Variants in C19orf67 observed in about 807,000 individuals in gnomAD.
C19orf67 encodes chromosome 19 open reading frame 67, also known as UPF0575 protein C19orf67.
A neutral mutation model predicts 41.4 loss-of-function variants in C19orf67; 28 were observed. The observed-to-expected ratio is 0.68, with a 90% CI of 0.50 to 0.93. The LOEUF (loss-of-function observed/expected upper bound fraction) is 0.93, where lower values mean the gene tolerates loss of function less well. Among genes scored for constraint, C19orf67 ranks in the 40% least tolerant of loss-of-function variants. The pLI, the probability that C19orf67 is intolerant of heterozygous loss-of-function variation, is 0.00. For missense variants in C19orf67, 421 were observed against 467.0 expected, an observed-to-expected ratio of 0.90 and a Z score of 0.91; for synonymous variants, 242 against 203.4, an observed-to-expected ratio of 1.19 and a Z score of -1.62.
chr19:14,085,679 A>G lies in C19orf67; in HGVS notation c.-52T>C, dbSNP rs1599323225. On this transcript the variant is annotated 5_prime_UTR_variant, in exon 1 of 6. Transcript: ENST00000548523. ...GCTCTTTAAGCTTCCGCTGCTGCTC[A>G]GGTTGGCCGCGGGTTCGACCCCGCC... The G allele has an allele frequency of 2.9e-6, 4 of 1,392,246 alleles. No individual in the cohort carries two copies. The East Asian group carries it at 7.5e-5, about 26-fold the overall frequency. The allele number at this position is 1,392,246 out of a possible 1,614,324, so 86.2% of individuals were successfully genotyped here.
chr19:14,082,736 AGG>A, intron 4 of C19orf67, 133 bp from the exon 5 acceptor site: 1 of 728,200 alleles, frequency 1.4e-6, no homozygotes, highest in Non-Finnish European at 2.1e-6. Flanking sequence ...TGTGACTCCA[AGG>A]CCTTTTCTCC....
chr19:14,084,524 CA>C (rs1161730628), intron 1 of C19orf67, among the ~76,000 whole-genome samples: 1 of 151,202 alleles, frequency 6.6e-6, no homozygotes, highest in African/African-American at 2.4e-5. Flanking sequence ...CACATAACAA[CA>C]AAACAAAACA....
chr19:14,082,019 G>A lies in C19orf67; in HGVS notation c.903-11C>T. The A allele has an allele frequency of 2.0e-6, 3 of 1,491,572 alleles. No homozygotes were observed. Among genetic ancestry groups the A allele is most frequent in the Non-Finnish European group, 2.7e-6 (3 of 1,121,894 alleles). 92.4% of individuals were successfully genotyped at this position (1,491,572 alleles called of 1,614,324 possible). ...TGCGGGCACAAAATCCTGGGGTGGGGGGGCCAGGGATAGACAGGCCTGGAC... is the reference window on the plus strand; with the variant it reads ...TGCGGGCACAAAATCCTGGGGTGGGAGGGCCAGGGATAGACAGGCCTGGAC... On this transcript the variant is annotated splice_polypyrimidine_tract_variant and intron_variant, in intron 5 of 5. Transcript: ENST00000548523.
chr19:14,085,345 G>A lies in C19orf67; in HGVS notation c.283C>T (p.Leu95=), dbSNP rs1313048297. The part of the protein sequence containing the change: ...DTLFSPITQQ[L]RYLLKKADDF... ...TCTGCCTTCTTCAGTAGGTAGCGCA[G>A]CTGTTGGGTGATGGGGCTGAACAAA... The change falls in exon 1 of 6, where the codon CTG becomes TTG. Residue 95 remains leucine, a synonymous_variant. Transcript: ENST00000548523. 1 of 1,536,248 alleles carries A rather than the reference G, an allele frequency of 6.5e-7. No individual in the cohort carries two copies. The highest frequency in any genetic ancestry group is 8.7e-7 in the Non-Finnish European group (1 of 1,146,932).
At chr19:14,085,188 C>A in intron 1 of C19orf67, 105 bp downstream of exon 1, 1 of 818,656 alleles carries the variant, frequency 1.2e-6, no homozygotes. Context: ...CTCCCTCTGG[C>A]TCCTAGCGCT....
At chr19:14,083,481 C>T in intron 3 of C19orf67, 24 bp downstream of exon 3, 1 of 1,533,906 alleles carries the variant, frequency 6.5e-7, no homozygotes. Flanking sequence ...TTCATCCCCC[C>T]ATCTGAGTCT....
rs1473784415 is a variant in C19orf67, at chr19:14,083,232, C to T, written c.767+5G>A. On this transcript the variant is annotated splice_donor_5th_base_variant and intron_variant, in intron 4 of 5. Coordinates refer to ENST00000548523, the MANE Select transcript of C19orf67 (RefSeq NM_001277378.2). ...GAGGACTTTGATTTGGGTAAGAGGACTTACTAATCCACAAGGGAATCTTGT... is the reference window on the plus strand; with the variant it reads ...GAGGACTTTGATTTGGGTAAGAGGATTTACTAATCCACAAGGGAATCTTGT... 6.5e-7 allele frequency: 1 copy of T among 1,535,784 alleles called. No individual in the cohort carries two copies. The highest frequency in any genetic ancestry group is 8.7e-7 in the Non-Finnish European group (1 of 1,146,686).
Position 14,083,590 on chromosome 19 carries a change from G to T in C19orf67, c.496C>A (p.Gln166Lys). The T allele has an allele frequency of 6.5e-7, 1 of 1,535,918 alleles. No individual in the cohort carries two copies. Among genetic ancestry groups the T allele is most frequent in the South Asian group, 1.2e-5 (1 of 84,036 alleles). The change falls in exon 3 of 6, where the codon CAA becomes AAA. Residue 166 changes from glutamine to lysine, a missense_variant. This residue lies in a region of C19orf67 where 253 missense variants were observed against 307.0 expected (regional missense o/e 0.82). Transcript: ENST00000548523. Reference protein sequence around the residue: ...LVRKGLLEISQQLTLRLEQLV... With the variant: ...LVRKGLLEISKQLTLRLEQLV... ...TGTTCCAGGCGCAGGGTCAGCTGTT[G>T]GGAGATCTCTAACAGCTGCATACAA... is the stretch of plus-strand genomic sequence containing the variant.
At position 14,081,796 on chromosome 19, in the gene C19orf67, G is replaced by C; in HGVS notation, c.*38C>G. 6.9e-7 allele frequency: 1 copy of C among 1,451,644 alleles called. No individual in the cohort carries two copies. The highest frequency in any genetic ancestry group is 9.1e-7 in the Non-Finnish European group (1 of 1,100,050). 89.9% of individuals were successfully genotyped at this position (1,451,644 alleles called of 1,614,324 possible). A position where few individuals can be genotyped will look rare whatever the true frequency, so the allele number is the denominator to read the frequency against. On this transcript the variant is annotated 3_prime_UTR_variant, in exon 6 of 6. Transcript: ENST00000548523. The stretch of plus-strand genomic sequence containing the variant: ...CCCCTGCCCCCTATTCTGGAGTTTG[G>C]AACTGTCAAGTTCCAGCTCCTACCC...
At position 14,083,540 on chromosome 19, in the gene C19orf67, A is replaced by T; in HGVS notation, c.546T>A (p.Phe182Leu). The change falls in exon 3 of 6, where the codon TTT becomes TTA. Residue 182 changes from phenylalanine (F) to leucine (L), a missense_variant. Around this residue, in one of 3 missense-constraint regions of C19orf67, gnomAD observed 253 missense variants for 307.0 expected, o/e 0.82. Coordinates refer to ENST00000548523, the MANE Select transcript of C19orf67 (RefSeq NM_001277378.2). ...LEQLVLMYASFGFVDLEEMNP... is the reference protein window; with the variant it reads ...LEQLVLMYASLGFVDLEEMNP... ...TCATCTCCTCCAGGTCCACGAACCC[A>T]AAGGAAGCGTACATGAGGACCAGCT... The T allele has an allele frequency of 7.2e-6, 11 of 1,536,058 alleles. No individual in the cohort carries two copies. Among genetic ancestry groups the T allele is most frequent in the Non-Finnish European group, 9.6e-6 (11 of 1,146,890 alleles).
At chr19:14,082,118 T>A (rs1006937189) in intron 5 of C19orf67, 110 bp from the exon 6 acceptor site, 3 of 1,015,736 alleles carry the variant, frequency 3.0e-6, no homozygotes, top group Admixed American at 6.3e-5. Context: ...TTGTTTCAGC[T>A]GCGGGTGGGA....
Position 14,082,016 on chromosome 19 carries a change from G to T in C19orf67, c.903-8C>A. ...GGCTGCGGGCACAAAATCCTGGGGTGGGGGGGCCAGGGATAGACAGGCCTG... is the reference window on the plus strand; with the variant it reads ...GGCTGCGGGCACAAAATCCTGGGGTTGGGGGGCCAGGGATAGACAGGCCTG... On this transcript the variant is annotated splice_region_variant and splice_polypyrimidine_tract_variant and intron_variant, in intron 5 of 5. Transcript: ENST00000548523. 6.7e-7 allele frequency: 1 copy of T among 1,484,220 alleles called. No individual in the cohort carries two copies. Among genetic ancestry groups the T allele is most frequent in the Non-Finnish European group, 9.0e-7 (1 of 1,116,904 alleles). The allele number at this position is 1,484,220 out of a possible 1,614,324, so 91.9% of individuals were successfully genotyped here. A position where few individuals can be genotyped will look rare whatever the true frequency, so the allele number is the denominator to read the frequency against.
intron 3 of C19orf67, 36 bp downstream of exon 3, chr19:14,083,469 C>G (rs1010434581): frequency 5.2e-6 from 8 of 1,532,802 alleles, no homozygotes; most frequent in Non-Finnish European, 7.0e-6. Flanking sequence ...GCCTTGGACT[C>G]CTTCATCCCC....
At chr19:14,082,654 C>T (rs909626635) in intron 4 of C19orf67, 51 bp from the exon 5 acceptor site, 2 of 1,495,116 alleles carry the variant, frequency 1.3e-6, no homozygotes, top group African/African-American at 1.4e-5. Context: ...CTAGCTACTT[C>T]TGTTGAGGGC....
At chr19:14,082,043 AC>A in intron 5 of C19orf67, 35 bp from the exon 6 acceptor site, 2 of 1,441,582 alleles carry the variant, frequency 1.4e-6, no homozygotes, top group Non-Finnish European at 1.8e-6. Context: ...ACAGGCCTGG[AC>A]TTGAGTGCCC....
Position 14,085,481 on chromosome 19 carries a change from C to T in C19orf67, c.147G>A (p.Pro49=). ...PPGRPGNPSE[P]DPEDAEGRLA... ...GCCGCCCCTCGGCATCTTCAGGATC[C>T]GGCTCAGATGGGTTCCCAGGCCTGC... is the stretch of plus-strand genomic sequence containing the variant. Residue 49 remains proline (P), a synonymous_variant, in exon 1 of 6, where the codon CCG becomes CCA. Transcript: ENST00000548523. The T allele has an allele frequency of 6.5e-7, 1 of 1,535,420 alleles. No homozygotes were observed. Among genetic ancestry groups the T allele is most frequent in the South Asian group, 1.2e-5 (1 of 84,034 alleles).
At position 14,083,808 on chromosome 19, in the gene C19orf67, G is replaced by T. The variant is rs1050655399; in HGVS notation, c.405C>A (p.Tyr135Ter). 23 of 1,419,604 alleles carry T rather than the reference G, an allele frequency of 1.6e-5. No individual in the cohort carries two copies. Among genetic ancestry groups the T allele is most frequent in the Non-Finnish European group, 2.0e-5 (22 of 1,088,086 alleles). 87.9% of individuals were successfully genotyped at this position (1,419,604 alleles called of 1,614,324 possible). The change falls in exon 2 of 6, where the codon TAC becomes TAA. Residue 135 changes from tyrosine (Y) to a stop codon, truncating the protein, a stop_gained. Coordinates refer to ENST00000548523, the MANE Select transcript of C19orf67 (RefSeq NM_001277378.2). LOFTEE classifies it high-confidence loss of function. ...TCGCGGCTGCCTCCAGGTACAGGAA[G>T]TAGGGCTCACACATCTGTAAGAAGG... ...MPTFLQMCEP[Y>*]FLYLEAAARS... is the part of the protein sequence containing the mutation.
At position 14,081,658 on chromosome 19, in the gene C19orf67, C is replaced by T. The variant is rs1002260049; in HGVS notation, c.*176G>A. The T allele has an allele frequency of 1.5e-5, 7 of 482,528 alleles. No individual in the cohort carries two copies. The Admixed American group carries it at 2.9e-4, about 20-fold the overall frequency. The allele number at this position is 482,528 out of a possible 1,614,324, so 29.9% of individuals were successfully genotyped here. A position where few individuals can be genotyped will look rare whatever the true frequency, so the allele number is the denominator to read the frequency against. ...TTTCTTTTATTTAACACAAAACTGA[C>T]GTGTCCGCATTCAGGGCCCCACGGC... On this transcript the variant is annotated 3_prime_UTR_variant, in exon 6 of 6. Coordinates refer to ENST00000548523, the MANE Select transcript of C19orf67 (RefSeq NM_001277378.2).
At position 14,085,295 on chromosome 19, in the gene C19orf67, G is replaced by A. The variant is rs1976836038; in HGVS notation, c.333C>T (p.Tyr111=). The change falls in exon 1 of 6, where the codon TAC becomes TAT. Residue 111 remains tyrosine, a splice_region_variant and synonymous_variant. Coordinates refer to ENST00000548523, the MANE Select transcript of C19orf67 (RefSeq NM_001277378.2). ...CCTGGGACCCTGTCCAGCATCACCT[G>A]TAGAGCAAGTAGCTCTGGAAATCAT... ...KADDFQSYLL[Y]SRDQVQKEQL... is the part of the protein sequence containing the mutation. 6.5e-7 allele frequency: 1 copy of A among 1,535,480 alleles called. No homozygotes were observed. The highest frequency in any genetic ancestry group is 8.7e-7 in the Non-Finnish European group (1 of 1,146,232).
Sources: allele counts gnomAD v4.1 joint callset (sites outside exome capture counted in the v4.1 genomes callset), GRCh38; gene constraint gnomAD v4.1.1; regional missense constraint gnomAD v4.1.1; transcripts MANE v1.5; gene names NCBI Gene and HGNC (gene_info 2026-07-23, HGNC 2026-07-21).